Variants in KLHL29 observed in about 807,000 individuals in gnomAD.
The protein encoded by KLHL29 is kelch-like protein 29.
Under a neutral mutation model 80.4 loss-of-function variants are expected in KLHL29, and 21 were observed. The observed-to-expected ratio is 0.26, with a 90% CI of 0.19 to 0.38. KLHL29 has a LOEUF of 0.38. KLHL29 is among the 10% of genes least tolerant of loss of function. The pLI, the probability that KLHL29 is intolerant of heterozygous loss-of-function variation, is 1.00. For missense variants in KLHL29, 867 were observed against 1,223.9 expected, an observed-to-expected ratio of 0.71 and a Z score of 4.35; for synonymous variants, 511 against 526.8, an observed-to-expected ratio of 0.97 and a Z score of 0.41.
At chr2:23,687,954 T>C (rs1558440225) in intron 6 of KLHL29, among the ~76,000 whole-genome samples, 1 of 152,088 alleles carries the variant, frequency 6.6e-6, no homozygotes, top group South Asian at 2.1e-4. Flanking sequence ...TCTCCCAGCC[T>C]GCGGCCGAGT....
chr2:23,469,052 G>T (rs1664426712), intron 1 of KLHL29, among the ~76,000 whole-genome samples: 1 of 152,150 alleles, frequency 6.6e-6, no homozygotes, highest in Non-Finnish European at 1.5e-5. Flanking sequence ...CTATTTCTTT[G>T]CCTGTTGTTT....
chr2:23,665,478 T>G (rs1406654236), intron 5 of KLHL29, among the ~76,000 whole-genome samples: 6 of 152,206 alleles, frequency 3.9e-5, no homozygotes, highest in Admixed American at 2.0e-4. Flanking sequence ...CTGCCAAAAG[T>G]GAGACCCATG....
chr2:23,426,217 C>G (rs779700379), intron 1 of KLHL29, among the ~76,000 whole-genome samples: 1 of 152,196 alleles, frequency 6.6e-6, no homozygotes, highest in Non-Finnish European at 1.5e-5. Context: ...CTACTGTACT[C>G]AGGCTCTGCA....
chr2:23,621,917 T>C (rs997314932), intron 3 of KLHL29, among the ~76,000 whole-genome samples: 1 of 152,134 alleles, frequency 6.6e-6, no homozygotes, highest in Non-Finnish European at 1.5e-5. Context: ...GTGGAGACAC[T>C]GGCCACCAGT....
intron 2 of KLHL29, among the ~76,000 whole-genome samples, chr2:23,490,254 C>T (rs954898714): frequency 2.0e-5 from 3 of 151,872 alleles, no homozygotes; most frequent in African/African-American, 4.8e-5. Flanking sequence ...CCATTGAAGC[C>T]AATTCCTGGA....
At chr2:23,575,428 G>A (rs1246378553) in intron 3 of KLHL29, among the ~76,000 whole-genome samples, 1 of 152,200 alleles carries the variant, frequency 6.6e-6, no homozygotes, top group Non-Finnish European at 1.5e-5. Flanking sequence ...AGCCAGCCAG[G>A]ACCTAGGATG....
chr2:23,551,147 C>G (rs1162030489), intron 2 of KLHL29, among the ~76,000 whole-genome samples: 1 of 152,238 alleles, frequency 6.6e-6, no homozygotes, highest in Admixed American at 6.5e-5. Context: ...CTCATCGATC[C>G]TGATGTTTAC....
chr2:23,552,591 G>C (rs1441417980), intron 2 of KLHL29, among the ~76,000 whole-genome samples: 2 of 151,984 alleles, frequency 1.3e-5, no homozygotes, highest in Non-Finnish European at 2.9e-5. Context: ...GACTGGCTGA[G>C]ACCTGGGAAC....
intron 3 of KLHL29, among the ~76,000 whole-genome samples, chr2:23,581,501 A>T (rs532782214): frequency 2.6e-5 from 4 of 152,226 alleles, no homozygotes; most frequent in African/African-American, 7.2e-5. Context: ...GTGGCCACGC[A>T]CACCTGGTAC....
At chr2:23,393,842 C>T (rs1036811983) in intron 1 of KLHL29, among the ~76,000 whole-genome samples, 1 of 152,124 alleles carries the variant, frequency 6.6e-6, no homozygotes, top group Admixed American at 6.5e-5. Flanking sequence ...GGAGGCTGGC[C>T]CCACCTGACT....
At chr2:23,658,942 G>A (rs1302546040) in intron 5 of KLHL29, among the ~76,000 whole-genome samples, 1 of 152,176 alleles carries the variant, frequency 6.6e-6, no homozygotes, top group Non-Finnish European at 1.5e-5. Context: ...CAGCGTGGAA[G>A]AGTAAGCCTC....
intron 1 of KLHL29, among the ~76,000 whole-genome samples, chr2:23,466,024 A>G (rs1396537188): frequency 1.3e-5 from 2 of 152,074 alleles, no homozygotes; most frequent in East Asian, 3.9e-4. Flanking sequence ...AGTGCAGACA[A>G]GAGACGTCGA....
At chr2:23,582,972 T>C (rs1034827087) in intron 3 of KLHL29, among the ~76,000 whole-genome samples, 2 of 152,116 alleles carry the variant, frequency 1.3e-5, no homozygotes, top group African/African-American at 4.8e-5. Flanking sequence ...GACGAGTGTT[T>C]TTACAAGAGA....
At chr2:23,698,419 C>CT in intron 11 of KLHL29, among the ~76,000 whole-genome samples, 1 of 152,136 alleles carries the variant, frequency 6.6e-6, no homozygotes, top group East Asian at 1.9e-4. Flanking sequence ...AGGTTGCTTT[C>CT]TGTGGCACAC....
chr2:23,560,801 A>T (rs2103495941), intron 2 of KLHL29, among the ~76,000 whole-genome samples: 1 of 152,274 alleles, frequency 6.6e-6, no homozygotes, highest in Non-Finnish European at 1.5e-5. Context: ...CATGGGTAGG[A>T]GGCTGCTTGG....
intron 2 of KLHL29, among the ~76,000 whole-genome samples, chr2:23,504,154 C>T (rs1233024168): frequency 1.3e-5 from 2 of 152,192 alleles, no homozygotes; most frequent in East Asian, 3.8e-4. Context: ...GCTTCGTATA[C>T]TGTGTTCAGG....
At chr2:23,549,768 C>T (rs1667075196) in intron 2 of KLHL29, among the ~76,000 whole-genome samples, 1 of 152,158 alleles carries the variant, frequency 6.6e-6, no homozygotes, top group African/African-American at 2.4e-5. Context: ...AAAGTCAAGG[C>T]CCCGGAGATC....
intron 1 of KLHL29, among the ~76,000 whole-genome samples, chr2:23,403,723 G>A (rs1312707714): frequency 1.4e-5 from 2 of 139,136 alleles, no homozygotes; most frequent in African/African-American, 5.7e-5. Flanking sequence ...GAGAGAGAGA[G>A]AGAGTGTGTG....
intron 5 of KLHL29, among the ~76,000 whole-genome samples, chr2:23,673,321 CACAT>C (rs764468448): frequency 1.3e-5 from 2 of 151,810 alleles, no homozygotes; most frequent in African/African-American, 2.4e-5. Context: ...CAAGAGGACA[CACAT>C]ACACCCATCC....
Sources: gnomAD v4.1 joint callset for allele counts (sites outside exome capture counted in the v4.1 genomes callset) on GRCh38, gnomAD v4.1.1 for gene constraint, MANE v1.5 for transcripts, NCBI Gene and HGNC (gene_info 2026-07-23, HGNC 2026-07-21) for gene names.